Variants in MICU3 observed in about 807,000 individuals in gnomAD.
The protein encoded by MICU3 is calcium uptake protein 3, mitochondrial.
A neutral mutation model predicts 66.5 loss-of-function variants in MICU3; 62 were observed. That is an observed-to-expected ratio of 0.93 (90% CI 0.76 to 1.15). The LOEUF is 1.15. Among genes scored for constraint, MICU3 ranks in the 50% most tolerant of loss-of-function variants. The pLI is 0.00. For missense variants in MICU3, 779 were observed against 664.4 expected, an observed-to-expected ratio of 1.17 and a Z score of -1.90; for synonymous variants, 308 against 240.7, an observed-to-expected ratio of 1.28 and a Z score of -2.59.
chr8:17,032,272 T>G (rs1812210842), intron 1 of MICU3, among the ~76,000 whole-genome samples: 1 of 152,216 alleles, frequency 6.6e-6, no homozygotes, highest in African/African-American at 2.4e-5. Flanking sequence ...GCTTTGGCCT[T>G]TATTTATATT....
intron 5 of MICU3, chr8:17,081,985 T>C (rs576120686): frequency 3.6e-5 from 11 of 306,400 alleles, no homozygotes; most frequent in African/African-American, 2.3e-4. Flanking sequence ...TGTCAATTCT[T>C]GTGGTTTTAA....
intron 3 of MICU3, among the ~76,000 whole-genome samples, chr8:17,075,313 T>C (rs1820216043): frequency 6.6e-6 from 1 of 152,168 alleles, no homozygotes; most frequent in African/African-American, 2.4e-5. Flanking sequence ...GCTGTGTGAT[T>C]GAACTTAATC....
In MICU3 at chr8:17,027,256, G is replaced by A; in HGVS notation, c.-24G>A. 1 of 804,154 alleles carries A rather than the reference G, an allele frequency of 1.2e-6. No homozygotes were observed. Among genetic ancestry groups the A allele is most frequent in the Admixed American group, 7.1e-5 (1 of 14,006 alleles). The allele number at this position is 804,154 out of a possible 1,614,324, so 49.8% of individuals were successfully genotyped here. On this transcript the variant is annotated 5_prime_UTR_variant, in exon 1 of 15. Transcript: ENST00000318063. ...CCCCTCCGTTCTCTGCCCCCTCCCA[G>A]CTCTGGTGTGGGCGGCCTCCGCTAT...
chr8:17,061,195 C>T (rs1392594202), intron 1 of MICU3, among the ~76,000 whole-genome samples: 1 of 152,072 alleles, frequency 6.6e-6, no homozygotes, highest in African/African-American at 2.4e-5. Flanking sequence ...AGAGAGAGGA[C>T]TGCAGGCTTT....
intron 1 of MICU3, among the ~76,000 whole-genome samples, chr8:17,062,440 C>T (rs1009320404): frequency 2.6e-5 from 4 of 152,050 alleles, no homozygotes; most frequent in Admixed American, 1.3e-4. Context: ...AACTTTTTTT[C>T]AGTTTTTATT....
chr8:17,030,290 T>G (rs1035293244), intron 1 of MICU3, among the ~76,000 whole-genome samples: 1 of 152,260 alleles, frequency 6.6e-6, no homozygotes, highest in African/African-American at 2.4e-5. Context: ...TCCTCACATA[T>G]CTGTGGTTGT....
At chr8:17,069,964 A>T (rs142348853) in intron 3 of MICU3, among the ~76,000 whole-genome samples, 2,044 of 152,128 alleles carry the variant, frequency 0.013, 17 homozygotes, top group Middle Eastern at 0.034. Context: ...TGGTATACTC[A>T]CTTTGGAAAA....
intron 1 of MICU3, among the ~76,000 whole-genome samples, chr8:17,048,988 A>G (rs928631099): frequency 1.3e-5 from 2 of 152,166 alleles, no homozygotes; most frequent in Non-Finnish European, 2.9e-5. Flanking sequence ...TTATGGATCC[A>G]TGCAAATAAA....
At chr8:17,137,171 C>A in the MICU3 span, among the ~76,000 whole-genome samples, 1 of 152,000 alleles carries the variant, frequency 6.6e-6, no homozygotes, top group East Asian at 1.9e-4. Flanking sequence ...AGGCTTCTAG[C>A]CCAAAGGTTG....
intron 1 of MICU3, among the ~76,000 whole-genome samples, chr8:17,036,385 G>A (rs1365398874): frequency 1.3e-5 from 2 of 152,132 alleles, no homozygotes; most frequent in African/African-American, 4.8e-5. Context: ...TCCACAGTGT[G>A]GAAGGGGACC....
chr8:17,058,343 A>G (rs968034548), intron 1 of MICU3, among the ~76,000 whole-genome samples: 5 of 152,220 alleles, frequency 3.3e-5, no homozygotes, highest in Non-Finnish European at 7.3e-5. Context: ...ACCTATTCCT[A>G]GTAATATAAG....
intron 5 of MICU3, among the ~76,000 whole-genome samples, chr8:17,084,934 C>T (rs1250381008): frequency 1.3e-5 from 2 of 151,750 alleles, no homozygotes; most frequent in East Asian, 1.9e-4. Context: ...TAAAATGTGA[C>T]GAGTTGATAT....
At chr8:17,100,191 C>A (rs902171182) in intron 9 of MICU3, among the ~76,000 whole-genome samples, 4 of 151,580 alleles carry the variant, frequency 2.6e-5, no homozygotes, top group Non-Finnish European at 5.9e-5. Flanking sequence ...CAGAAACTGG[C>A]CAACATTACA....
chr8:17,096,826 G>A (rs1048620098), intron 8 of MICU3, among the ~76,000 whole-genome samples: 2 of 151,686 alleles, frequency 1.3e-5, no homozygotes, highest in Admixed American at 6.6e-5. Flanking sequence ...ATATGGCAAA[G>A]CAAGAAGAAA....
intron 1 of MICU3, among the ~76,000 whole-genome samples, chr8:17,030,624 G>T (rs1811858620): frequency 6.6e-6 from 1 of 152,198 alleles, no homozygotes; most frequent in African/African-American, 2.4e-5. Flanking sequence ...ATAGAGATGG[G>T]AGGTGTAGTA....
chr8:17,078,806 G>A (rs1265443238), intron 4 of MICU3, among the ~76,000 whole-genome samples: 1 of 151,960 alleles, frequency 6.6e-6, no homozygotes, highest in African/African-American at 2.4e-5. Flanking sequence ...TATTGTAGGT[G>A]TTTCATAAGT....
chr8:17,076,376 G>A (rs1820391017), intron 3 of MICU3, among the ~76,000 whole-genome samples: 1 of 151,832 alleles, frequency 6.6e-6, no homozygotes, highest in Non-Finnish European at 1.5e-5. Context: ...AAAAATATTT[G>A]AGTTTACTGT....
In MICU3 at chr8:17,078,032, G is replaced by C. The variant is rs188323092; in HGVS notation, c.646+171G>C. ...ATTAACATTTCTGGGTATTAATGTT[G>C]CTCTTGGGTAATTCCACCCTTCATT... is the stretch of plus-strand genomic sequence containing the variant. On this transcript the variant is annotated intron_variant, in intron 4 of 14. Coordinates refer to ENST00000318063, the MANE Select transcript of MICU3 (RefSeq NM_181723.3). Among the ~76,000 whole-genome samples the C allele has an allele frequency of 3.9e-5, 6 of 151,902 alleles. No individual in the cohort carries two copies. The East Asian group carries it at 9.7e-4, about 25-fold the overall frequency.
At chr8:17,035,017 G>T (rs1477175029) in intron 1 of MICU3, among the ~76,000 whole-genome samples, 2 of 152,114 alleles carry the variant, frequency 1.3e-5, no homozygotes, top group Non-Finnish European at 2.9e-5. Flanking sequence ...ATGGGGGCTG[G>T]TTTTTCCCAC....
Sources: allele counts gnomAD v4.1 joint callset (sites outside exome capture counted in the v4.1 genomes callset), GRCh38; gene constraint gnomAD v4.1.1; transcripts MANE v1.5; gene names NCBI Gene and HGNC (gene_info 2026-07-23, HGNC 2026-07-21).